Variants in HCN1 observed in about 807,000 individuals in gnomAD.
The protein encoded by HCN1 is potassium/sodium hyperpolarization-activated cyclic nucleotide-gated channel 1.
Under a neutral mutation model 78.9 loss-of-function variants are expected in HCN1, and 13 were observed. The observed-to-expected ratio is 0.16, with a 90% CI of 0.11 to 0.26. The LOEUF (loss-of-function observed/expected upper bound fraction) is 0.26, where lower values mean the gene tolerates loss of function less well. Ranked by LOEUF, HCN1 falls within the 10% of genes least tolerant of loss-of-function variation. The pLI is 1.00. For missense variants in HCN1, 810 were observed against 1,154.3 expected, an observed-to-expected ratio of 0.70 and a Z score of 4.32; for synonymous variants, 552 against 455.5, an observed-to-expected ratio of 1.21 and a Z score of -2.70.
intron 4 of HCN1, among the ~76,000 whole-genome samples, chr5:45,365,840 G>A (rs1167355710): frequency 6.6e-6 from 1 of 151,840 alleles, no homozygotes; most frequent in African/African-American, 2.4e-5. Context: ...CCTATTTGTT[G>A]TCATAAAATA....
At chr5:45,506,367 G>C (rs765581678) in intron 2 of HCN1, among the ~76,000 whole-genome samples, 1 of 151,970 alleles carries the variant, frequency 6.6e-6, no homozygotes, top group South Asian at 2.1e-4. Flanking sequence ...ACTCATACCA[G>C]CAATTTAGAA....
chr5:45,332,576 C>A (rs548149032), intron 5 of HCN1, among the ~76,000 whole-genome samples: 18 of 151,282 alleles, frequency 1.2e-4, no homozygotes, highest in African/African-American at 4.1e-4. Context: ...TAAGTGAAAA[C>A]ATTTTTTTCT....
intron 5 of HCN1, among the ~76,000 whole-genome samples, chr5:45,313,390 G>C (rs1350028867): frequency 6.6e-6 from 1 of 151,902 alleles, no homozygotes; most frequent in Non-Finnish European, 1.5e-5. Flanking sequence ...AAAGACCAAA[G>C]GTAGATAAAA....
At chr5:45,540,666 G>A (rs1429714696) in intron 2 of HCN1, among the ~76,000 whole-genome samples, 2 of 151,948 alleles carry the variant, frequency 1.3e-5, no homozygotes, top group African/African-American at 2.4e-5. Flanking sequence ...TTTACCCTGT[G>A]TTTGTTATTT....
chr5:45,486,757 C>T (rs1433204159), intron 2 of HCN1, among the ~76,000 whole-genome samples: 1 of 151,950 alleles, frequency 6.6e-6, no homozygotes, highest in Non-Finnish European at 1.5e-5. Flanking sequence ...GAATATTGTA[C>T]AAGTATAATA....
chr5:45,560,956 A>C (rs1041779862), intron 2 of HCN1, among the ~76,000 whole-genome samples: 2 of 152,160 alleles, frequency 1.3e-5, no homozygotes, highest in African/African-American at 4.8e-5. Context: ...TATCTGCTAA[A>C]CTAATATCAA....
chr5:45,633,471 T>C (rs1234027829), intron 2 of HCN1, among the ~76,000 whole-genome samples: 2 of 151,964 alleles, frequency 1.3e-5, no homozygotes, highest in East Asian at 3.9e-4. Flanking sequence ...TGGAGGTCTT[T>C]CCAGTGGAGC....
chr5:45,632,714 A>G (rs1745289835), intron 2 of HCN1, among the ~76,000 whole-genome samples: 1 of 152,062 alleles, frequency 6.6e-6, no homozygotes. Context: ...ATATTTTACA[A>G]CAGCTTTTGG....
At chr5:45,302,749 G>A (rs1024305551) in intron 6 of HCN1, among the ~76,000 whole-genome samples, 1 of 151,962 alleles carries the variant, frequency 6.6e-6, no homozygotes, top group African/African-American at 2.4e-5. Context: ...GACCCAGGGG[G>A]AGGTAATTGA....
intron 4 of HCN1, among the ~76,000 whole-genome samples, chr5:45,372,122 T>TTATATATATATAATATAATAATATATTA (rs374675731): frequency 5.0e-4 from 28 of 56,098 alleles, no homozygotes; most frequent in African/African-American, 2.5e-3. Flanking sequence ...TAATTATATA[T>TTATATATATATAATATAATAATATATTA]TATATATATA....
At chr5:45,655,206 C>T (rs548238514) in intron 1 of HCN1, among the ~76,000 whole-genome samples, 35 of 151,730 alleles carry the variant, frequency 2.3e-4, no homozygotes, top group African/African-American at 6.0e-4. Context: ...ATTAAGGAGG[C>T]GGCATTAGGG....
At chr5:45,663,826 G>A (rs1422840945) in intron 1 of HCN1, among the ~76,000 whole-genome samples, 2 of 148,936 alleles carry the variant, frequency 1.3e-5, no homozygotes, top group African/African-American at 4.9e-5. Flanking sequence ...TGGAGAGGAT[G>A]TGGAGAAATA....
intron 5 of HCN1, among the ~76,000 whole-genome samples, chr5:45,335,319 G>A (rs536431929): frequency 6.6e-6 from 1 of 152,108 alleles, no homozygotes; most frequent in East Asian, 1.9e-4. Flanking sequence ...GTTCTACCTA[G>A]TTCTATTAGG....
intron 2 of HCN1, among the ~76,000 whole-genome samples, chr5:45,605,984 G>A (rs1427792344): frequency 6.6e-6 from 1 of 151,894 alleles, no homozygotes; most frequent in Non-Finnish European, 1.5e-5. Flanking sequence ...CATACTTGAT[G>A]GGAAATATTA....
chr5:45,644,586 T>C (rs575397986), intron 2 of HCN1: 1 of 152,548 alleles, frequency 6.6e-6, no homozygotes, highest in Non-Finnish European at 1.5e-5. Context: ...CTCATGAATA[T>C]GTTCCTTTTT....
intron 1 of HCN1, among the ~76,000 whole-genome samples, chr5:45,663,802 G>A (rs1935563665): frequency 6.7e-6 from 1 of 150,208 alleles, no homozygotes. Context: ...AAAAAGTCAG[G>A]AAACAACAGG....
At position 45,364,226 on chromosome 5, in the gene HCN1, AC is replaced by A. The variant is rs529467962; in HGVS notation, c.1231-10981del. 1.7e-4 allele frequency among the ~76,000 whole-genome samples: 26 copies of A among 152,100 alleles called. No individual in the cohort carries two copies. In the East Asian group the frequency reaches 4.9e-3, roughly 28 times the overall value. On this transcript the variant is annotated intron_variant, in intron 4 of 7. Transcript: ENST00000303230. ...CAAGGCCGCCTTTTCTTTTCACCTT[AC>A]GTATTTTCCTTGGACAATCCTTCCC...
At chr5:45,537,258 T>A (rs755986848) in intron 2 of HCN1, among the ~76,000 whole-genome samples, 17 of 151,886 alleles carry the variant, frequency 1.1e-4, no homozygotes, top group South Asian at 2.1e-4. Flanking sequence ...CCTCAATTTT[T>A]AAAAAAAATA....
chr5:45,275,352 T>A, intron 6 of HCN1, among the ~76,000 whole-genome samples: 1 of 152,158 alleles, frequency 6.6e-6, no homozygotes, highest in South Asian at 2.1e-4. Context: ...TTGAATACAA[T>A]ATACCAAATA....
Sources: gnomAD v4.1 joint callset for allele counts (sites outside exome capture counted in the v4.1 genomes callset) on GRCh38, gnomAD v4.1.1 for gene constraint, MANE v1.5 for transcripts, NCBI Gene and HGNC (gene_info 2026-07-23, HGNC 2026-07-21) for gene names.